Variants in SLCO5A1 observed in about 807,000 individuals in gnomAD.
SLCO5A1 encodes the protein solute carrier organic anion transporter family member 5A1.
Under a neutral mutation model 65.1 loss-of-function variants are expected in SLCO5A1, and 39 were observed. The ratio of observed to expected loss-of-function variants is 0.60; its 90% confidence interval spans 0.46 to 0.78. The LOEUF is 0.78. Ranked by LOEUF, SLCO5A1 falls within the 30% of genes least tolerant of loss-of-function variation. The pLI is 0.00. For missense variants in SLCO5A1, 1,029 were observed against 1,069.4 expected (o/e 0.96, Z 0.53); for synonymous variants, 438 against 415.7 (o/e 1.05, Z -0.65).
intron 6 of SLCO5A1, among the ~76,000 whole-genome samples, chr8:69,687,363 G>T (rs773670597): frequency 6.6e-6 from 1 of 152,054 alleles, no homozygotes; most frequent in Non-Finnish European, 1.5e-5. Flanking sequence ...TTTAGAAGAG[G>T]ACTATATTCA....
Position 69,672,944 on chromosome 8 carries a change from G to A in SLCO5A1, c.2472C>T (p.Pro824=), listed in dbSNP as rs528114944. The change falls in exon 10 of 10, where the codon CCC becomes CCT. Residue 824 remains proline (P), a synonymous_variant. Transcript: ENST00000260126. Reference sequence around the variant, plus strand: ...CAGAGGAACTTATTGCTTCTGGGAAGGGCCCCGGGTAGGTCTGTGCTGCGC... The same window carrying A: ...CAGAGGAACTTATTGCTTCTGGGAAAGGCCCCGGGTAGGTCTGTGCTGCGC... ...IQCAAQTYPG[P]FPEAISSSAD... is the part of the protein sequence containing the mutation. 358 of 1,614,242 alleles carry A rather than the reference G, an allele frequency of 2.2e-4. 3 individuals are homozygous for A. In the South Asian group the frequency reaches 3.8e-3, roughly 17 times the overall value.
chr8:69,757,044 T>C (rs148626105), intron 3 of SLCO5A1, among the ~76,000 whole-genome samples: 184 of 152,352 alleles, frequency 1.2e-3, no homozygotes, highest in African/African-American at 4.2e-3. Flanking sequence ...TATAGATCCA[T>C]TGCAAAGTGA....
At chr8:69,737,914 G>A (rs928320797) in intron 5 of SLCO5A1, 126 bp downstream of exon 5, 2 of 952,288 alleles carry the variant, frequency 2.1e-6, no homozygotes, top group Non-Finnish European at 3.0e-6. Context: ...CTAAAATCTG[G>A]GGGGAAAGGT....
At chr8:69,673,595 T>G (rs973707976) in intron 9 of SLCO5A1, among the ~76,000 whole-genome samples, 1 of 152,148 alleles carries the variant, frequency 6.6e-6, no homozygotes, top group African/African-American at 2.4e-5. Flanking sequence ...TTGTACCCTT[T>G]AAATATATAC....
At chr8:69,817,537 T>C (rs1396023918) in intron 2 of SLCO5A1, among the ~76,000 whole-genome samples, 1 of 152,234 alleles carries the variant, frequency 6.6e-6, no homozygotes, top group African/African-American at 2.4e-5. Flanking sequence ...ATAACTCTAT[T>C]TTTAATTTTT....
intron 2 of SLCO5A1, among the ~76,000 whole-genome samples, chr8:69,803,967 C>T (rs1047326506): frequency 2.6e-5 from 4 of 152,020 alleles, no homozygotes; most frequent in Non-Finnish European, 4.4e-5. Flanking sequence ...AGTTTGAGTT[C>T]CACACCCCCT....
chr8:69,684,729 C>A (rs900603824), intron 6 of SLCO5A1, among the ~76,000 whole-genome samples: 1 of 152,178 alleles, frequency 6.6e-6, no homozygotes. Context: ...TTGCTGTACA[C>A]TGCTTCTCTA....
intron 8 of SLCO5A1, among the ~76,000 whole-genome samples, chr8:69,677,266 T>C (rs1813589260): frequency 1.3e-5 from 2 of 152,184 alleles, no homozygotes; most frequent in African/African-American, 4.8e-5. Flanking sequence ...GTTATTCCCA[T>C]GTGACAGGAA....
chr8:69,775,636 T>C (rs1018148274), intron 2 of SLCO5A1, among the ~76,000 whole-genome samples: 6 of 152,094 alleles, frequency 3.9e-5, no homozygotes, highest in African/African-American at 1.4e-4. Flanking sequence ...ATGAATCCCC[T>C]TAGAACACAA....
At chr8:69,736,970 G>A (rs1396160354) in intron 5 of SLCO5A1, among the ~76,000 whole-genome samples, 2 of 152,124 alleles carry the variant, frequency 1.3e-5, no homozygotes, top group Non-Finnish European at 2.9e-5. Context: ...AAATAATCTG[G>A]AAATTTTACC....
At chr8:69,773,636 G>A (rs1818437046) in intron 2 of SLCO5A1, among the ~76,000 whole-genome samples, 1 of 152,194 alleles carries the variant, frequency 6.6e-6, no homozygotes, top group African/African-American at 2.4e-5. Context: ...CCTCAACTGT[G>A]GTGGACATCT....
At position 69,832,330 on chromosome 8, in the gene SLCO5A1, T is replaced by C; in HGVS notation, c.344A>G (p.Gln115Arg). The change falls in exon 2 of 10, where the codon CAG (glutamine) becomes CGG (arginine). Residue 115 changes from glutamine to arginine, a missense_variant. Physicochemically the swap from Gln to Arg is conservative, Grantham distance 43. This residue lies in a region of SLCO5A1 where 647 missense variants were observed against 647.5 expected (regional missense o/e 1.00). Transcript: ENST00000260126. This position sits in a 1 kb window ranked among gnomAD's most constrained non-coding sequence, Gnocchi z 4.5. ...GACCACGTAGAGGCACCTTCTCTCC[T>C]GGAGCATGGCCAAGGCGGAGGACAC... ...FSVSSALAML[Q>R]ERRCLYVVLT... 6.2e-7 allele frequency: 1 copy of C among 1,614,154 alleles called. No individual in the cohort carries two copies. Among genetic ancestry groups the C allele is most frequent in the Non-Finnish European group, 8.5e-7 (1 of 1,180,020 alleles).
At chr8:69,705,658 C>T (rs1015434394) in intron 5 of SLCO5A1, among the ~76,000 whole-genome samples, 3 of 152,224 alleles carry the variant, frequency 2.0e-5, no homozygotes, top group African/African-American at 7.2e-5. Context: ...ATTACACATT[C>T]TATGCATGTC....
chr8:69,715,535 A>G (rs1433915081), intron 5 of SLCO5A1, among the ~76,000 whole-genome samples: 1 of 152,182 alleles, frequency 6.6e-6, no homozygotes, highest in Non-Finnish European at 1.5e-5. Flanking sequence ...CATGACGCCC[A>G]CTAATAGCAG....
chr8:69,674,220 T>C (rs1022650538), intron 9 of SLCO5A1, among the ~76,000 whole-genome samples: 8 of 152,172 alleles, frequency 5.3e-5, no homozygotes, highest in African/African-American at 1.9e-4. Context: ...TGTCACTCCA[T>C]AAGCTTCTTC....
At chr8:69,690,031 C>T (rs571279514) in intron 6 of SLCO5A1, among the ~76,000 whole-genome samples, 79 of 149,190 alleles carry the variant, frequency 5.3e-4, no homozygotes, top group African/African-American at 1.6e-3. Flanking sequence ...CGGTGGACCC[C>T]GCCCCGCCCC....
At chr8:69,691,022 G>T (rs980968215) in intron 6 of SLCO5A1, among the ~76,000 whole-genome samples, 4 of 152,134 alleles carry the variant, frequency 2.6e-5, no homozygotes, top group African/African-American at 9.7e-5. Flanking sequence ...AAAATTATTT[G>T]AAGAAAAGGC....
At chr8:69,788,989 C>T (rs1819150308) in intron 2 of SLCO5A1, among the ~76,000 whole-genome samples, 2 of 152,218 alleles carry the variant, frequency 1.3e-5, no homozygotes, top group East Asian at 3.8e-4. Context: ...ATACCACACC[C>T]TGTGCTGATT....
chr8:69,719,889 C>T (rs1293086895), intron 5 of SLCO5A1, among the ~76,000 whole-genome samples: 1 of 152,224 alleles, frequency 6.6e-6, no homozygotes, highest in Non-Finnish European at 1.5e-5. Flanking sequence ...TAGGCTCAGA[C>T]TCTCAGGACA....
Sources: allele counts gnomAD v4.1 joint callset (sites outside exome capture counted in the v4.1 genomes callset), GRCh38; gene constraint gnomAD v4.1.1; regional missense constraint gnomAD v4.1.1; non-coding constraint Gnocchi (gnomAD v3.1); transcripts MANE v1.5; gene names NCBI Gene and HGNC (gene_info 2026-07-23, HGNC 2026-07-21).